Variants in HS6ST3 observed in about 807,000 individuals in gnomAD.
HS6ST3 encodes the protein heparan-sulfate 6-O-sulfotransferase 3.
HS6ST3 carries 12 observed loss-of-function variants against 36.7 expected under a neutral mutation model. The observed-to-expected ratio is 0.33, with a 90% CI of 0.21 to 0.53. The LOEUF (loss-of-function observed/expected upper bound fraction) is 0.53, where lower values mean the gene tolerates loss of function less well. HS6ST3 is among the 20% of genes least tolerant of loss of function. The pLI, the probability that HS6ST3 is intolerant of heterozygous loss-of-function variation, is 0.95. For missense variants in HS6ST3, 584 were observed against 640.9 expected (o/e 0.91, Z 0.96); for synonymous variants, 240 against 257.5 (o/e 0.93, Z 0.65).
rs534098730 is a variant in HS6ST3, at chr13:96,775,443, C to T, written c.708-57047C>T. On this transcript the variant is annotated intron_variant, in intron 1 of 1. Coordinates refer to ENST00000376705, the MANE Select transcript of HS6ST3 (RefSeq NM_153456.4). Reference sequence around the variant, plus strand: ...GTCTGTATTCAGGAGATGCATCTCACGTGCAAAGACACACATAGGCTCAAA... The same window carrying T: ...GTCTGTATTCAGGAGATGCATCTCATGTGCAAAGACACACATAGGCTCAAA... Among the ~76,000 whole-genome samples, 403 of 145,856 alleles carry T rather than the reference C, an allele frequency of 2.8e-3. 3 individuals are homozygous for T. The highest frequency in any genetic ancestry group is 5.3e-3 in the Non-Finnish European group (363 of 67,874).
intron 1 of HS6ST3, among the ~76,000 whole-genome samples, chr13:96,145,929 G>C (rs966766598): frequency 2.0e-5 from 3 of 152,044 alleles, no homozygotes; most frequent in African/African-American, 4.8e-5. Flanking sequence ...CCCATTTCTT[G>C]TTTTTGTCAG....
At chr13:96,728,302 T>A (rs145958608) in intron 1 of HS6ST3, among the ~76,000 whole-genome samples, 1,818 of 152,258 alleles carry the variant, frequency 0.012, 20 homozygotes, top group Middle Eastern at 0.024. Flanking sequence ...AAGCCCAATA[T>A]TATATTCATT....
chr13:96,830,284 C>A (rs1878749028), intron 1 of HS6ST3, among the ~76,000 whole-genome samples: 1 of 152,116 alleles, frequency 6.6e-6, no homozygotes, highest in Admixed American at 6.5e-5. Flanking sequence ...TGAAATGTAA[C>A]CCCATCATAA....
At chr13:96,817,982 G>T (rs1878457554) in intron 1 of HS6ST3, among the ~76,000 whole-genome samples, 1 of 152,164 alleles carries the variant, frequency 6.6e-6, no homozygotes, top group Admixed American at 6.6e-5. Flanking sequence ...AAGTCTTAAA[G>T]ATTATTTTAT....
chr13:96,293,635 A>C (rs182661448), intron 1 of HS6ST3, among the ~76,000 whole-genome samples: 7 of 152,218 alleles, frequency 4.6e-5, no homozygotes, highest in Non-Finnish European at 8.8e-5. Flanking sequence ...TTTCATAAGT[A>C]TTACATATTT....
At chr13:96,158,207 G>A (rs1308183718) in intron 1 of HS6ST3, among the ~76,000 whole-genome samples, 1 of 152,162 alleles carries the variant, frequency 6.6e-6, no homozygotes, top group Non-Finnish European at 1.5e-5. Context: ...GTGGTTAGAT[G>A]GGTCGCCTGG....
chr13:96,455,318 C>G (rs1405681595), intron 1 of HS6ST3, among the ~76,000 whole-genome samples: 4 of 152,148 alleles, frequency 2.6e-5, no homozygotes, highest in Non-Finnish European at 5.9e-5. Context: ...CTCCTGGGCT[C>G]AAGCCATCCT....
At chr13:96,638,190 G>A (rs1220498303) in intron 1 of HS6ST3, among the ~76,000 whole-genome samples, 1 of 152,000 alleles carries the variant, frequency 6.6e-6, no homozygotes, top group African/African-American at 2.4e-5. Context: ...CCTATCATCA[G>A]TACCAGAAAT....
At chr13:96,096,551 C>G (rs1392039520) in intron 1 of HS6ST3, among the ~76,000 whole-genome samples, 1 of 152,168 alleles carries the variant, frequency 6.6e-6, no homozygotes, top group Non-Finnish European at 1.5e-5. Flanking sequence ...TGAACTAGTC[C>G]TCTAGCATTT....
intron 1 of HS6ST3, among the ~76,000 whole-genome samples, chr13:96,262,476 C>T (rs768628746): frequency 2.2e-4 from 34 of 152,088 alleles, no homozygotes; most frequent in Non-Finnish European, 4.1e-4. Flanking sequence ...ATGACCAAGC[C>T]TAGATTGTAA....
intron 1 of HS6ST3, among the ~76,000 whole-genome samples, chr13:96,179,005 A>C (rs1272902953): frequency 6.6e-6 from 1 of 152,192 alleles, no homozygotes; most frequent in Non-Finnish European, 1.5e-5. Context: ...CTAAAACAAC[A>C]CAGAGCATCT....
intron 1 of HS6ST3, among the ~76,000 whole-genome samples, chr13:96,774,149 C>T (rs760422289): frequency 2.6e-5 from 4 of 152,094 alleles, no homozygotes; most frequent in African/African-American, 9.7e-5. Flanking sequence ...TTAAAAAGGA[C>T]GTCCACACAA....
intron 1 of HS6ST3, among the ~76,000 whole-genome samples, chr13:96,819,494 T>C (rs1355662007): frequency 6.6e-6 from 1 of 152,194 alleles, no homozygotes; most frequent in East Asian, 1.9e-4. Flanking sequence ...TCCCAACTTG[T>C]AGAATAAAGC....
intron 1 of HS6ST3, among the ~76,000 whole-genome samples, chr13:96,434,828 T>C (rs749749431): frequency 6.6e-6 from 1 of 152,156 alleles, no homozygotes; most frequent in Non-Finnish European, 1.5e-5. Context: ...TTTATCCTCC[T>C]GCAAGATTAT....
chr13:96,486,613 C>G (rs2055916266), intron 1 of HS6ST3, among the ~76,000 whole-genome samples: 1 of 152,132 alleles, frequency 6.6e-6, no homozygotes, highest in South Asian at 2.1e-4. Context: ...TCTCTGATGG[C>G]CAGTGATGAT....
chr13:96,709,365 C>G (rs537945072), intron 1 of HS6ST3, among the ~76,000 whole-genome samples: 1 of 152,192 alleles, frequency 6.6e-6, no homozygotes, highest in Non-Finnish European at 1.5e-5. Context: ...CACAAACACA[C>G]GACTACAATT....
At chr13:96,604,390 G>C (rs2056431446) in intron 1 of HS6ST3, among the ~76,000 whole-genome samples, 1 of 152,148 alleles carries the variant, frequency 6.6e-6, no homozygotes, top group Non-Finnish European at 1.5e-5. Flanking sequence ...TGGAGGTGCT[G>C]AGAATATCTT....
At chr13:96,710,387 C>G (rs1004964617) in intron 1 of HS6ST3, among the ~76,000 whole-genome samples, 1 of 152,232 alleles carries the variant, frequency 6.6e-6, no homozygotes, top group Non-Finnish European at 1.5e-5. Flanking sequence ...CCACACCCAA[C>G]AGGGAGGCTT....
chr13:96,583,260 C>T (rs192692715), intron 1 of HS6ST3, among the ~76,000 whole-genome samples: 23 of 116,500 alleles, frequency 2.0e-4, no homozygotes, highest in African/African-American at 7.4e-4. Context: ...GTCACCCAGG[C>T]TGGTGTGCAA....
Sources: gnomAD v4.1 joint callset for allele counts (sites outside exome capture counted in the v4.1 genomes callset) on GRCh38, gnomAD v4.1.1 for gene constraint, MANE v1.5 for transcripts, NCBI Gene and HGNC (gene_info 2026-07-23, HGNC 2026-07-21) for gene names.